The following KCNQ1 variants were observed in gnomAD, a reference collection of about 807,000 sequenced individuals.
KCNQ1 encodes the protein potassium voltage-gated channel subfamily Q member 1, also known as potassium voltage-gated channel subfamily KQT member 1.
Under a neutral mutation model 72.4 loss-of-function variants are expected in KCNQ1, and 49 were observed. That is an observed-to-expected ratio of 0.68 (90% CI 0.54 to 0.86). KCNQ1 has a LOEUF of 0.86. Among genes scored for constraint, KCNQ1 ranks in the 40% least tolerant of loss-of-function variants. KCNQ1 has a pLI of 0.00. For missense variants in KCNQ1, 790 were observed against 945.1 expected, an observed-to-expected ratio of 0.84 and a Z score of 2.15; for synonymous variants, 450 against 412.6, an observed-to-expected ratio of 1.09 and a Z score of -1.10.
At chr11:2,577,854 A>C (rs1351290486) in intron 6 of KCNQ1, among the ~76,000 whole-genome samples, 8 of 152,076 alleles carry the variant, frequency 5.3e-5, no homozygotes, top group African/African-American at 1.4e-4. Flanking sequence ...TGTCCCAGAG[A>C]CAGTCCTGCC....
In KCNQ1 at chr11:2,720,064, G is replaced by A. The variant is rs541247280; in HGVS notation, c.1515-48780G>A. ...TCCCAAAACAAGTCCCTTACTGTCCGTGTCCCTCCATGCCAGCTCACTGGA... is the reference window on the plus strand; with the variant it reads ...TCCCAAAACAAGTCCCTTACTGTCCATGTCCCTCCATGCCAGCTCACTGGA... On this transcript the variant is annotated intron_variant, in intron 11 of 15. Coordinates refer to ENST00000155840, the MANE Select transcript of KCNQ1 (RefSeq NM_000218.3). This position sits in a 1 kb window ranked among gnomAD's most constrained non-coding sequence, Gnocchi z 5.1. 9.9e-5 allele frequency among the ~76,000 whole-genome samples: 15 copies of A among 152,272 alleles called. No individual in the cohort carries two copies. The highest frequency in any genetic ancestry group is 2.1e-4 in the South Asian group (1 of 4,822).
chr11:2,717,748 TGGGGAGCCTGAGATAGAGAGC>T (rs1302572784), intron 11 of KCNQ1, among the ~76,000 whole-genome samples: 1 of 152,174 alleles, frequency 6.6e-6, no homozygotes, highest in African/African-American at 2.4e-5. Flanking sequence ...AGGGCAGCAC[TGGGGAGCCTGAGATAGAGAGC>T]GGGTAGACAG....
At chr11:2,615,976 G>A (rs768340229) in intron 10 of KCNQ1, 5 of 397,902 alleles carry the variant, frequency 1.3e-5, no homozygotes, top group African/African-American at 6.2e-5. Flanking sequence ...CAACAGTGAC[G>A]CCATCTGTGT....
rs111752565 is a variant in KCNQ1, at chr11:2,769,189, G to A, written c.1590+270G>A. Among the ~76,000 whole-genome samples the A allele has an allele frequency of 7.2e-4, 109 of 152,240 alleles. No individual in the cohort carries two copies. The highest frequency in any genetic ancestry group is 2.3e-3 in the African/African-American group (94 of 41,558). Reference sequence around the variant, plus strand: ...CTTCACCAAGTAGAAGGCAGCAGCCGTGTAGCTCACTCAGTCCTCCCGTGG... The same window carrying A: ...CTTCACCAAGTAGAAGGCAGCAGCCATGTAGCTCACTCAGTCCTCCCGTGG... On this transcript the variant is annotated intron_variant, in intron 12 of 15. Transcript: ENST00000155840. The surrounding 1 kb of genome is among the most constrained non-coding windows in gnomAD (Gnocchi z 4.6).
Position 2,624,659 on chromosome 11 carries a change from G to A in KCNQ1, c.1393+35805G>A, listed in dbSNP as rs1219870941. ...GTATTAGATACGTTCACAATGCTGT[G>A]CAATCATCACTATCATCCATCTCCA... On this transcript the variant is annotated intron_variant, in intron 10 of 15. Transcript: ENST00000155840. The surrounding 1 kb of genome is among the most constrained non-coding windows in gnomAD (Gnocchi z 4.9). The A allele has an allele frequency of 2.5e-6, 1 of 398,360 alleles. No individual in the cohort carries two copies. The highest frequency in any genetic ancestry group is 2.1e-5 in the African/African-American group (1 of 48,600). The allele number at this position is 398,360 out of a possible 1,614,324, so 24.7% of individuals were successfully genotyped here.
Position 2,608,589 on chromosome 11 carries a change from C to T in KCNQ1, c.1393+19735C>T, listed in dbSNP as rs1242985715. 2.8e-5 allele frequency: 11 copies of T among 398,506 alleles called. No homozygotes were observed. In the East Asian group the frequency reaches 2.9e-4, roughly 10 times the overall value. The allele number at this position is 398,506 out of a possible 1,614,324, so 24.7% of individuals were successfully genotyped here. A position where few individuals can be genotyped will look rare whatever the true frequency, so the allele number is the denominator to read the frequency against. On this transcript the variant is annotated intron_variant, in intron 10 of 15. Coordinates refer to ENST00000155840, the MANE Select transcript of KCNQ1 (RefSeq NM_000218.3). The surrounding 1 kb of genome is among the most constrained non-coding windows in gnomAD (Gnocchi z 4.6). ...CTCCTAGTCTCAAGTGATCCTTGCCCCTTAGCCTATGACAGGTGTGCACCA... is the reference window on the plus strand; with the variant it reads ...CTCCTAGTCTCAAGTGATCCTTGCCTCTTAGCCTATGACAGGTGTGCACCA...
At chr11:2,795,200 G>A (rs1847107173) in intron 15 of KCNQ1, among the ~76,000 whole-genome samples, 1 of 152,240 alleles carries the variant, frequency 6.6e-6, no homozygotes, top group South Asian at 2.1e-4. Context: ...GACCTCTCGG[G>A]TGCTGTAGGG....
rs745766321 is a variant in KCNQ1, at chr11:2,713,182, C to T, written c.1514+51101C>T. ...AGGACCATGCCTGGGATGTGGCTTC[C>T]GTGGACTGAGCAGCCTGGAGCCCCT... On this transcript the variant is annotated intron_variant, in intron 11 of 15. Coordinates refer to ENST00000155840, the MANE Select transcript of KCNQ1 (RefSeq NM_000218.3). This position sits in a 1 kb window ranked among gnomAD's most constrained non-coding sequence, Gnocchi z 5.6. 1.3e-4 allele frequency among the ~76,000 whole-genome samples: 20 copies of T among 152,106 alleles called. No individual in the cohort carries two copies. Among genetic ancestry groups the T allele is most frequent in the South Asian group, 2.1e-4 (1 of 4,824 alleles).
In KCNQ1 at chr11:2,643,876, G is replaced by T. The variant is rs951886539; in HGVS notation, c.1394-18085G>T. The T allele has an allele frequency of 1.0e-5, 4 of 398,502 alleles. No homozygotes were observed. In the Admixed American group the frequency reaches 1.3e-4, roughly 13 times the overall value. 24.7% of individuals were successfully genotyped at this position (398,502 alleles called of 1,614,324 possible). On this transcript the variant is annotated intron_variant, in intron 10 of 15. Transcript: ENST00000155840. ...TAACTTTGCTAAGTACAGTATTCCT[G>T]GCTGGCAGGTTTTTGGTTTTGTTTT... is the stretch of plus-strand genomic sequence containing the variant.
chr11:2,606,688 A>G (rs1459137696), intron 10 of KCNQ1, among the ~76,000 whole-genome samples: 8 of 152,144 alleles, frequency 5.3e-5, no homozygotes, highest in African/African-American at 1.7e-4. Context: ...TAGTAACACA[A>G]AACTGGACCA....
chr11:2,540,747 C>T (rs1044714540), intron 2 of KCNQ1, among the ~76,000 whole-genome samples: 1 of 152,196 alleles, frequency 6.6e-6, no homozygotes, highest in African/African-American at 2.4e-5. Context: ...TTTGTGCCCT[C>T]TAGGGTGGCA....
chr11:2,799,399 TGTG>T (rs1847212567), intron 15 of KCNQ1, among the ~76,000 whole-genome samples: 1 of 151,430 alleles, frequency 6.6e-6, no homozygotes, highest in Non-Finnish European at 1.5e-5. Context: ...TGTGTGTGTG[TGTG>T]GTGTGGTGTG....
At position 2,735,356 on chromosome 11, in the gene KCNQ1, G is replaced by A. The variant is rs1300003256; in HGVS notation, c.1515-33488G>A. 1.3e-5 allele frequency among the ~76,000 whole-genome samples: 2 copies of A among 152,020 alleles called. No homozygotes were observed. The highest frequency in any genetic ancestry group is 2.9e-5 in the Non-Finnish European group (2 of 67,958). ...ATTGAGGCCCTGCCCGGTGGAGGGT[G>A]GGCCATGGCCGCCCCCACCTCCCCT... On this transcript the variant is annotated intron_variant, in intron 11 of 15. Transcript: ENST00000155840. The surrounding 1 kb of genome is among the most constrained non-coding windows in gnomAD (Gnocchi z 7.7).
rs1455260689 is a variant in KCNQ1, at chr11:2,827,122, A to G, written c.1795-20645A>G. 6.6e-6 allele frequency among the ~76,000 whole-genome samples: 1 copy of G among 152,196 alleles called. No homozygotes were observed. The highest frequency in any genetic ancestry group is 2.1e-4 in the South Asian group (1 of 4,830). ...GGGCTGCAGAGAGGAGGCCAGGCAC[A>G]GTCACCTCGTGTTGCTGTCCCCCAG... is the stretch of plus-strand genomic sequence containing the variant. On this transcript the variant is annotated intron_variant, in intron 15 of 15. Transcript: ENST00000155840. This position sits in a 1 kb window ranked among gnomAD's most constrained non-coding sequence, Gnocchi z 6.7.
intron 10 of KCNQ1, chr11:2,618,264 A>T (rs1849102166): frequency 2.5e-6 from 1 of 398,420 alleles, no homozygotes; most frequent in South Asian, 1.3e-4. Flanking sequence ...CAATTGTCTT[A>T]GGCCACACAT....
rs1220543742 is a variant in KCNQ1, at chr11:2,663,574, CCT to C, written c.1514+1494_1514+1495del. On this transcript the variant is annotated intron_variant, in intron 11 of 15. Transcript: ENST00000155840. This position sits in a 1 kb window ranked among gnomAD's most constrained non-coding sequence, Gnocchi z 5.2. ...CTCATCCTTCTGGCTGCTTGCTTCT[CCT>C]GTTGGAGCTCTCGCTCACCTTGGTT... The C allele has an allele frequency of 2.5e-6, 1 of 398,608 alleles. No individual in the cohort carries two copies. 24.7% of individuals were successfully genotyped at this position (398,608 alleles called of 1,614,324 possible). A position where few individuals can be genotyped will look rare whatever the true frequency, so the allele number is the denominator to read the frequency against.
At position 2,826,723 on chromosome 11, in the gene KCNQ1, G is replaced by C. The variant is rs566036031; in HGVS notation, c.1795-21044G>C. 2.8e-4 allele frequency among the ~76,000 whole-genome samples: 42 copies of C among 152,328 alleles called. No homozygotes were observed. In the South Asian group the frequency reaches 8.5e-3, roughly 31 times the overall value. On this transcript the variant is annotated intron_variant, in intron 15 of 15. Coordinates refer to ENST00000155840, the MANE Select transcript of KCNQ1 (RefSeq NM_000218.3). This position sits in a 1 kb window ranked among gnomAD's most constrained non-coding sequence, Gnocchi z 4.2. ...CACGGGGCTCCCCTGGGCACCCCTC[G>C]TCTTGGGGCCCCTGCCCTGCCTCCA...
chr11:2,763,541 ATATGT>A (rs897922787), intron 11 of KCNQ1, among the ~76,000 whole-genome samples: 138 of 152,296 alleles, frequency 9.1e-4, no homozygotes, highest in African/African-American at 2.9e-3. Flanking sequence ...ATTGTAATTG[ATATGT>A]TTTATTTTCT....
At chr11:2,556,238 C>T (rs1848069098) in intron 2 of KCNQ1, among the ~76,000 whole-genome samples, 1 of 152,214 alleles carries the variant, frequency 6.6e-6, no homozygotes. Context: ...TAGGGGCCCA[C>T]CCTAACCACC....
Sources: gnomAD v4.1 joint callset for allele counts (sites outside exome capture counted in the v4.1 genomes callset) on GRCh38, gnomAD v4.1.1 for gene constraint, Gnocchi (gnomAD v3.1) non-coding constraint, MANE v1.5 for transcripts, NCBI Gene and HGNC (gene_info 2026-07-23, HGNC 2026-07-21) for gene names.